The following SNTB1 variants were observed in gnomAD, a reference collection of about 807,000 sequenced individuals.
SNTB1 encodes the protein syntrophin beta 1.
In SNTB1, 36 loss-of-function variants were observed where a neutral mutation model predicts 48.9. That is an observed-to-expected ratio of 0.74 (90% CI 0.56 to 0.97). The LOEUF is 0.97. SNTB1 is among the 50% of genes least tolerant of loss of function. The probability of loss-of-function intolerance (pLI) is 0.00; values close to 1 mark genes in which losing one functional copy is unlikely to be tolerated. For missense variants in SNTB1, 786 were observed against 703.4 expected, an observed-to-expected ratio of 1.12 and a Z score of -1.33; for synonymous variants, 299 against 294.6, an observed-to-expected ratio of 1.01 and a Z score of -0.15.
At chr8:120,656,351 T>C (rs1005369243) in intron 2 of SNTB1, among the ~76,000 whole-genome samples, 3 of 152,186 alleles carry the variant, frequency 2.0e-5, no homozygotes, top group African/African-American at 7.2e-5. Context: ...TTGGCTAGAT[T>C]TCAGTTTTTC....
intron 1 of SNTB1, among the ~76,000 whole-genome samples, chr8:120,781,644 T>C (rs1418255346): frequency 1.3e-5 from 2 of 152,174 alleles, no homozygotes; most frequent in Admixed American, 6.5e-5. Flanking sequence ...GTCTGTGTAT[T>C]ATACGTGTGT....
intron 2 of SNTB1, among the ~76,000 whole-genome samples, chr8:120,657,178 A>C (rs1198210650): frequency 6.6e-6 from 1 of 152,200 alleles, no homozygotes; most frequent in African/African-American, 2.4e-5. Context: ...AATGCAATCA[A>C]TATCTTTCCA....
At chr8:120,611,890 G>T (rs1816631718) in intron 3 of SNTB1, among the ~76,000 whole-genome samples, 1 of 149,418 alleles carries the variant, frequency 6.7e-6, no homozygotes, top group African/African-American at 2.5e-5. Context: ...TTTCCTGGAA[G>T]TACTCTCAGT....
At chr8:120,734,682 A>T (rs1208313660) in intron 1 of SNTB1, among the ~76,000 whole-genome samples, 1 of 152,174 alleles carries the variant, frequency 6.6e-6, no homozygotes, top group Admixed American at 6.5e-5. Flanking sequence ...TTACCCCAGA[A>T]CCAGAAGGAT....
intron 1 of SNTB1, among the ~76,000 whole-genome samples, chr8:120,732,028 C>T (rs975922663): frequency 1.3e-5 from 2 of 152,126 alleles, no homozygotes; most frequent in Non-Finnish European, 2.9e-5. Context: ...GGCAATTGGG[C>T]TCTTTTGAGG....
chr8:120,621,869 C>G (rs1429143572), intron 3 of SNTB1, among the ~76,000 whole-genome samples: 1 of 152,174 alleles, frequency 6.6e-6, no homozygotes, highest in Non-Finnish European at 1.5e-5. Flanking sequence ...GTTTCCCTCC[C>G]TCCTCCCCGA....
At chr8:120,756,958 T>C (rs1319686897) in intron 1 of SNTB1, among the ~76,000 whole-genome samples, 2 of 152,200 alleles carry the variant, frequency 1.3e-5, no homozygotes, top group African/African-American at 2.4e-5. Context: ...GATCTTTTGC[T>C]CCATGGGCAT....
At chr8:120,771,798 C>G (rs867333411) in intron 1 of SNTB1, among the ~76,000 whole-genome samples, 6 of 151,864 alleles carry the variant, frequency 4.0e-5, no homozygotes, top group Middle Eastern at 6.8e-3. Context: ...ATATACTGCT[C>G]TTAAGAATTC....
chr8:120,693,760 G>T lies in SNTB1; in HGVS notation c.720C>A (p.Asp240Glu). The change falls in exon 2 of 7, where the codon GAC becomes GAA. Residue 240 changes from aspartate to glutamate, a missense_variant. By Grantham distance (45) the Asp-to-Glu change is conservative. Coordinates refer to ENST00000517992, the MANE Select transcript of SNTB1 (RefSeq NM_021021.4). Reference sequence around the variant, plus strand: ...ACATTTTGAGGGGGATGCTTTTCCGGTCTCTGTGGAAGGAGAAGGACTGCG... The same window carrying T: ...ACATTTTGAGGGGGATGCTTTTCCGTTCTCTGTGGAAGGAGAAGGACTGCG... Reference protein sequence around the residue: ...PSSQSFSFHRDRKSIPLKMCY... With the variant: ...PSSQSFSFHRERKSIPLKMCY... The T allele has an allele frequency of 6.2e-7, 1 of 1,613,838 alleles. No homozygotes were observed. Among genetic ancestry groups the T allele is most frequent in the Non-Finnish European group, 8.5e-7 (1 of 1,179,930 alleles).
chr8:120,718,956 A>G (rs1407669290), intron 1 of SNTB1, among the ~76,000 whole-genome samples: 1 of 152,188 alleles, frequency 6.6e-6, no homozygotes, highest in Non-Finnish European at 1.5e-5. Flanking sequence ...AGTGTGGTGA[A>G]GGTCACTGAT....
chr8:120,561,394 G>T (rs113458641), intron 4 of SNTB1, among the ~76,000 whole-genome samples: 2 of 151,056 alleles, frequency 1.3e-5, no homozygotes, highest in African/African-American at 4.9e-5. Context: ...CAGACTTCAG[G>T]TCATCCATGG....
At chr8:120,551,254 CAAAAAA>C (rs11304538) in intron 4 of SNTB1, among the ~76,000 whole-genome samples, 3 of 80,676 alleles carry the variant, frequency 3.7e-5, no homozygotes, top group Non-Finnish European at 7.9e-5. Flanking sequence ...GACTCCATCT[CAAAAAA>C]AAAAAAAAAA....
chr8:120,619,581 T>C (rs1315228332), intron 3 of SNTB1, among the ~76,000 whole-genome samples: 1 of 152,206 alleles, frequency 6.6e-6, no homozygotes, highest in Non-Finnish European at 1.5e-5. Context: ...CACAGTGCAT[T>C]CTGCCTCCCT....
chr8:120,656,224 G>A (rs781058930), intron 2 of SNTB1, among the ~76,000 whole-genome samples: 10 of 152,280 alleles, frequency 6.6e-5, no homozygotes, highest in Admixed American at 1.3e-4. Flanking sequence ...AGCAGTTAAT[G>A]AAAAAGAAAC....
At chr8:120,654,783 G>A (rs1817471301) in intron 2 of SNTB1, 1 of 307,022 alleles carries the variant, frequency 3.3e-6, no homozygotes, top group Non-Finnish European at 6.4e-6. Context: ...CCTCTGTTTA[G>A]AAACATGAGG....
intron 3 of SNTB1, among the ~76,000 whole-genome samples, chr8:120,607,344 T>C (rs1373194550): frequency 6.6e-6 from 1 of 152,208 alleles, no homozygotes; most frequent in Non-Finnish European, 1.5e-5. Context: ...ATAAATTTAA[T>C]GCAATCCCAA....
intron 3 of SNTB1, among the ~76,000 whole-genome samples, chr8:120,615,026 C>T (rs377179446): frequency 1.3e-5 from 2 of 150,478 alleles, no homozygotes; most frequent in Admixed American, 6.6e-5. Context: ...TGGCACGCAC[C>T]TGTAGTCCCA....
chr8:120,562,246 T>C (rs1435201960), intron 4 of SNTB1, among the ~76,000 whole-genome samples: 1 of 152,218 alleles, frequency 6.6e-6, no homozygotes, highest in African/African-American at 2.4e-5. Flanking sequence ...TATCAATCAC[T>C]GTATAAAATG....
chr8:120,626,432 A>C (rs889049003), intron 3 of SNTB1, among the ~76,000 whole-genome samples: 55 of 152,142 alleles, frequency 3.6e-4, no homozygotes, highest in African/African-American at 1.3e-3. Context: ...GACCTTTAAA[A>C]TTTTTTATCA....
Sources: gnomAD v4.1 joint callset for allele counts (sites outside exome capture counted in the v4.1 genomes callset) on GRCh38, gnomAD v4.1.1 for gene constraint, MANE v1.5 for transcripts, NCBI Gene and HGNC (gene_info 2026-07-23, HGNC 2026-07-21) for gene names.